Variants in NRXN3 observed in about 807,000 individuals in gnomAD.
NRXN3 encodes the protein neurexin 3, also known as neurexin III.
Under a neutral mutation model 137.6 loss-of-function variants are expected in NRXN3, and 32 were observed. The observed-to-expected ratio is 0.23, with a 90% CI of 0.18 to 0.31. NRXN3 has a LOEUF of 0.31. Ranked by LOEUF, NRXN3 falls within the 10% of genes least tolerant of loss-of-function variation. The pLI is 1.00. For synonymous variants in NRXN3, 798 were observed against 784.5 expected, an observed-to-expected ratio of 1.02 and a Z score of -0.29; for missense variants, 1,574 against 2,062.5, an observed-to-expected ratio of 0.76 and a Z score of 4.59.
chr14:79,626,586 A>G (rs1006797819), intron 16 of NRXN3, among the ~76,000 whole-genome samples: 1 of 152,156 alleles, frequency 6.6e-6, no homozygotes, highest in African/African-American at 2.4e-5. Flanking sequence ...TCAGATAAAC[A>G]GGTTGTAAAA....
rs528905254 is a variant in NRXN3 at position 79,613,320 on chromosome 14, G to T, written c.3445-50458G>T. Among the ~76,000 whole-genome samples the T allele has an allele frequency of 3.3e-5, 5 of 152,326 alleles. No individual in the cohort carries two copies. In the South Asian group the frequency reaches 8.3e-4, roughly 25 times the overall value. On this transcript the variant is annotated intron_variant, in intron 16 of 20. Transcript: ENST00000335750. ...TATGCCACTATTTTATGTTATCGTT[G>T]TTACAGTGAGTACAATTTTTAATTG...
chr14:78,202,071 G>T (rs2061734606), intron 1 of NRXN3, among the ~76,000 whole-genome samples: 1 of 152,110 alleles, frequency 6.6e-6, no homozygotes, highest in Admixed American at 6.5e-5. Flanking sequence ...TGGGGAGGGA[G>T]AAACTCCCAT....
rs796961683 is a variant in NRXN3, at chr14:78,794,934, AAAC to A, written c.2045-8683_2045-8681del. Among the ~76,000 whole-genome samples the A allele has an allele frequency of 1.6e-3, 36 of 21,886 alleles. No homozygotes were observed. In the Middle Eastern group the frequency reaches 0.075, roughly 46 times the overall value. The allele number at this position is 21,886 out of a possible 152,430, so 14.4% of individuals were successfully genotyped here. ...TACAAAAACAAACAAACAAACAAACAAACAAAAAAAAAAGTAGCCAGGTGTGGT... is the reference window on the plus strand; with the variant it reads ...TACAAAAACAAACAAACAAACAAACAAAAAAAAAAAGTAGCCAGGTGTGGT... On this transcript the variant is annotated intron_variant, in intron 8 of 20. Transcript: ENST00000335750.
At chr14:78,472,370 T>C (rs1435435268) in intron 4 of NRXN3, among the ~76,000 whole-genome samples, 3 of 152,148 alleles carry the variant, frequency 2.0e-5, no homozygotes, top group Non-Finnish European at 4.4e-5. Flanking sequence ...AAGCTCAGAT[T>C]TGAACTCTTG....
chr14:78,752,423 G>T (rs539474410), intron 8 of NRXN3, among the ~76,000 whole-genome samples: 3 of 152,240 alleles, frequency 2.0e-5, no homozygotes, highest in African/African-American at 7.2e-5. Flanking sequence ...TTTTAAAAAA[G>T]TATTTTGAAA....
chr14:78,446,076 G>A (rs143842753), intron 4 of NRXN3, among the ~76,000 whole-genome samples: 4 of 152,272 alleles, frequency 2.6e-5, no homozygotes, highest in East Asian at 3.9e-4. Context: ...TTGACAGTGC[G>A]TGCACCTGAC....
chr14:78,778,758 CT>C (rs2098755787), intron 8 of NRXN3, among the ~76,000 whole-genome samples: 31 of 97,200 alleles, frequency 3.2e-4, no homozygotes, highest in Non-Finnish European at 4.0e-4. Context: ...TTCCTTCTTT[CT>C]CTTTCTTTCT....
intron 16 of NRXN3, among the ~76,000 whole-genome samples, chr14:79,544,646 T>C (rs892530780): frequency 6.3e-5 from 9 of 142,468 alleles, no homozygotes; most frequent in Non-Finnish European, 1.2e-4. Flanking sequence ...AATATAGCAG[T>C]GGGTTTCAAT....
chr14:78,243,197 A>G lies in NRXN3; in HGVS notation c.104A>G (p.Asn35Ser), dbSNP rs766750559. The change falls in exon 2 of 21, where the codon AAC (asparagine) becomes AGC (serine). Residue 35 changes from asparagine to serine, a missense_variant. Transcript: ENST00000335750. The surrounding 1 kb of genome is among the most constrained non-coding windows in gnomAD (Gnocchi z 4.2). ...CLGLEFMGLP[N>S]QWARYLRWDA... is the part of the protein sequence containing the mutation. ...GGCCTTGAGTTCATGGGCCTCCCCAACCAGTGGGCCCGCTACCTCCGCTGG... is the reference window on the plus strand; with the variant it reads ...GGCCTTGAGTTCATGGGCCTCCCCAGCCAGTGGGCCCGCTACCTCCGCTGG... 11 of 1,545,212 alleles carry G rather than the reference A, an allele frequency of 7.1e-6. No individual in the cohort carries two copies. The highest frequency in any genetic ancestry group is 4.8e-5 in the East Asian group (2 of 41,478).
intron 19 of NRXN3, among the ~76,000 whole-genome samples, chr14:79,703,640 G>A (rs2098764199): frequency 6.6e-6 from 1 of 151,884 alleles, no homozygotes; most frequent in Admixed American, 6.6e-5. Flanking sequence ...CTGCCCCCCT[G>A]ATCCCCCCTC....
intron 8 of NRXN3, among the ~76,000 whole-genome samples, chr14:78,800,397 CATT>C (rs2098835203): frequency 6.6e-6 from 1 of 152,146 alleles, no homozygotes; most frequent in South Asian, 2.1e-4. Flanking sequence ...TTTTAGGTAT[CATT>C]ATTGATCTTC....
chr14:79,513,617 T>G (rs1288731866), intron 16 of NRXN3, among the ~76,000 whole-genome samples: 1 of 152,250 alleles, frequency 6.6e-6, no homozygotes, highest in Non-Finnish European at 1.5e-5. Flanking sequence ...CTATATGGGC[T>G]TGGATACAAA....
intron 3 of NRXN3, chr14:78,282,037 A>T: frequency 2.3e-6 from 1 of 435,486 alleles, no homozygotes; most frequent in Non-Finnish European, 4.7e-6. Context: ...GTTCCAAGAC[A>T]TGGTGGAGCT....
intron 4 of NRXN3, among the ~76,000 whole-genome samples, chr14:78,470,511 C>G (rs541678793): frequency 6.6e-6 from 1 of 151,928 alleles, no homozygotes; most frequent in Admixed American, 6.6e-5. Flanking sequence ...AAAGAGTTTC[C>G]AAAAATGTTC....
chr14:79,664,661 A>G (rs2153987579), intron 17 of NRXN3, among the ~76,000 whole-genome samples: 1 of 152,270 alleles, frequency 6.6e-6, no homozygotes, highest in Non-Finnish European at 1.5e-5. Flanking sequence ...ACGGGAGAAA[A>G]GGTTGCCTTC....
intron 6 of NRXN3, among the ~76,000 whole-genome samples, chr14:78,657,046 CAAAAAAAAAAAAAAAAAA>C (rs1174872709): frequency 3.2e-5 from 1 of 31,056 alleles, no homozygotes. Context: ...GACTCCGTCT[CAAAAAAAAAAAAAAAAAA>C]AAAAAAAAAA....
At chr14:79,478,429 T>C (rs1377375064) in intron 16 of NRXN3, among the ~76,000 whole-genome samples, 3 of 151,980 alleles carry the variant, frequency 2.0e-5, no homozygotes, top group Non-Finnish European at 4.4e-5. Flanking sequence ...TCTTCATCTT[T>C]ATTGGTATTT....
At chr14:78,271,027 A>G (rs938704119) in intron 2 of NRXN3, among the ~76,000 whole-genome samples, 1 of 152,146 alleles carries the variant, frequency 6.6e-6, no homozygotes, top group South Asian at 2.1e-4. Flanking sequence ...CCCACAAATG[A>G]TGTTTCAACT....
intron 16 of NRXN3, among the ~76,000 whole-genome samples, chr14:79,555,788 A>C (rs2097423439): frequency 6.6e-6 from 1 of 152,214 alleles, no homozygotes; most frequent in East Asian, 1.9e-4. Context: ...TGCTGGAGAT[A>C]ACACACACTT....
Sources: gnomAD v4.1 joint callset for allele counts (sites outside exome capture counted in the v4.1 genomes callset) on GRCh38, gnomAD v4.1.1 for gene constraint, Gnocchi (gnomAD v3.1) non-coding constraint, MANE v1.5 for transcripts, NCBI Gene and HGNC (gene_info 2026-07-23, HGNC 2026-07-21) for gene names.